MGAT4C: variants seen among roughly 807,000 people sequenced by gnomAD.
MGAT4C encodes the protein alpha-1,3-mannosyl-glycoprotein 4-beta-N-acetylglucosaminyltransferase C.
MGAT4C carries 19 observed loss-of-function variants against 40.1 expected under a neutral mutation model. The observed-to-expected ratio is 0.47, with a 90% confidence interval of 0.33 to 0.70. The LOEUF (loss-of-function observed/expected upper bound fraction) is 0.70. Among genes scored for constraint, MGAT4C ranks in the 30% least tolerant of loss-of-function variants. MGAT4C has a pLI of 0.02. For missense variants in MGAT4C, 491 were observed against 563.2 expected (o/e 0.87, Z 1.30); for synonymous variants, 181 against 187.1 (o/e 0.97, Z 0.27).
At chr12:86,229,734 G>T (rs1316115910) in intron 1 of MGAT4C, among the ~76,000 whole-genome samples, 1 of 151,946 alleles carries the variant, frequency 6.6e-6, no homozygotes, top group African/African-American at 2.4e-5. Context: ...ATAAACTTCT[G>T]TCAGGGACAG....
intron 1 of MGAT4C, among the ~76,000 whole-genome samples, chr12:86,066,974 T>G (rs1310372575): frequency 6.6e-6 from 1 of 152,160 alleles, no homozygotes; most frequent in Non-Finnish European, 1.5e-5. Context: ...TCATCACTGG[T>G]CATTAGAAAA....
intron 1 of MGAT4C, among the ~76,000 whole-genome samples, chr12:86,194,278 T>A (rs1593199326): frequency 2.6e-5 from 4 of 152,330 alleles, no homozygotes; most frequent in South Asian, 2.1e-4. Context: ...TGTTTTTTTT[T>A]ATCACTGGGT....
At chr12:86,497,866 A>G (rs1958266466) in intron 2 of MGAT4C, among the ~76,000 whole-genome samples, 1 of 144,658 alleles carries the variant, frequency 6.9e-6, no homozygotes, top group African/African-American at 2.5e-5. Context: ...CCTTTACCAG[A>G]TTGCTAATTT....
chr12:86,530,766 A>G (rs868562239), intron 2 of MGAT4C, among the ~76,000 whole-genome samples: 20 of 152,168 alleles, frequency 1.3e-4, no homozygotes, highest in African/African-American at 4.6e-4. Flanking sequence ...TAGGAATCCA[A>G]TGAAAGAAGA....
At chr12:86,515,154 G>C (rs1443535632) in intron 2 of MGAT4C, among the ~76,000 whole-genome samples, 2 of 152,090 alleles carry the variant, frequency 1.3e-5, no homozygotes, top group Non-Finnish European at 2.9e-5. Flanking sequence ...TCTCATAAAG[G>C]CTGTCTACAA....
At chr12:86,405,702 T>C (rs1409508831) in intron 3 of MGAT4C, among the ~76,000 whole-genome samples, 9 of 151,592 alleles carry the variant, frequency 5.9e-5, no homozygotes, top group Non-Finnish European at 4.4e-5. Flanking sequence ...TCTAACTGAT[T>C]TACAGATATA....
chr12:86,216,980 A>T lies in MGAT4C; in HGVS notation c.-57+39259T>A, dbSNP rs113553311. Among the ~76,000 whole-genome samples, 496 of 152,304 alleles carry T rather than the reference A, an allele frequency of 3.3e-3. 2 individuals are homozygous for T. Among genetic ancestry groups the T allele is most frequent in the African/African-American group, 0.012 (483 of 41,564 alleles). The stretch of plus-strand genomic sequence containing the variant: ...CAAGCTCAATAGCTAAATATAAGTA[A>T]GTTAAATAACTATAAGATAAAATTC... On this transcript the variant is annotated intron_variant, in intron 1 of 4. Coordinates refer to ENST00000611864, the MANE Select transcript of MGAT4C (RefSeq NM_001351288.2).
chr12:86,619,975 G>A (rs1239233812), intron 2 of MGAT4C, among the ~76,000 whole-genome samples: 1 of 152,054 alleles, frequency 6.6e-6, no homozygotes, highest in East Asian at 1.9e-4. Flanking sequence ...GAATTAAAAT[G>A]AGTTGCCAAG....
intron 2 of MGAT4C, among the ~76,000 whole-genome samples, chr12:86,452,272 C>T (rs1451090576): frequency 6.6e-6 from 1 of 151,056 alleles, no homozygotes; most frequent in Admixed American, 6.6e-5. Flanking sequence ...TTTGTTCCAT[C>T]TGTATACATG....
intron 2 of MGAT4C, among the ~76,000 whole-genome samples, chr12:86,724,029 C>T (rs190515520): frequency 3.8e-4 from 57 of 151,904 alleles, no homozygotes; most frequent in East Asian, 3.7e-3. Context: ...TGTATTTGTT[C>T]GATACAATAC....
chr12:86,723,706 G>T (rs377663201), intron 2 of MGAT4C, among the ~76,000 whole-genome samples: 26 of 152,146 alleles, frequency 1.7e-4, no homozygotes, highest in African/African-American at 6.3e-4. Flanking sequence ...CATGAGTTTG[G>T]GGGGGACACA....
chr12:86,389,806 T>C (rs1458097578), intron 3 of MGAT4C, among the ~76,000 whole-genome samples: 1 of 152,218 alleles, frequency 6.6e-6, no homozygotes, highest in Non-Finnish European at 1.5e-5. Flanking sequence ...TATTTCAAAA[T>C]TATTCTATGT....
intron 3 of MGAT4C, among the ~76,000 whole-genome samples, chr12:86,407,388 G>A (rs1351268861): frequency 6.6e-6 from 1 of 151,988 alleles, no homozygotes; most frequent in East Asian, 1.9e-4. Flanking sequence ...TATACACGTT[G>A]TTAACCTGTA....
At chr12:86,292,070 G>C (rs913075387) in intron 4 of MGAT4C, among the ~76,000 whole-genome samples, 1 of 152,098 alleles carries the variant, frequency 6.6e-6, no homozygotes, top group Admixed American at 6.5e-5. Flanking sequence ...GATAAAGACA[G>C]AGACATTTGA....
intron 1 of MGAT4C, among the ~76,000 whole-genome samples, chr12:86,147,920 T>C (rs1193227526): frequency 2.6e-5 from 4 of 152,158 alleles, no homozygotes; most frequent in Non-Finnish European, 5.9e-5. Flanking sequence ...TAAGACAATA[T>C]TTGAGAGACA....
At chr12:86,781,475 T>G (rs1390940078) in intron 1 of MGAT4C, among the ~76,000 whole-genome samples, 2 of 152,154 alleles carry the variant, frequency 1.3e-5, no homozygotes, top group African/African-American at 4.8e-5. Context: ...ACATCTCTTT[T>G]TAACTACATT....
chr12:86,760,928 T>C (rs1026143583), intron 1 of MGAT4C, among the ~76,000 whole-genome samples: 14 of 152,172 alleles, frequency 9.2e-5, no homozygotes, highest in Admixed American at 5.9e-4. Context: ...AGTGATCACA[T>C]TGTGGCAAGA....
intron 2 of MGAT4C, among the ~76,000 whole-genome samples, chr12:86,495,680 C>A (rs749446013): frequency 6.6e-6 from 1 of 151,914 alleles, no homozygotes; most frequent in African/African-American, 2.4e-5. Flanking sequence ...GTGAAACCGG[C>A]CTAATTATCC....
At chr12:86,682,539 T>A (rs1950001545) in intron 2 of MGAT4C, among the ~76,000 whole-genome samples, 1 of 152,128 alleles carries the variant, frequency 6.6e-6, no homozygotes, top group Non-Finnish European at 1.5e-5. Context: ...ATATCATAAT[T>A]AAACACTGGT....
Sources: allele counts gnomAD v4.1 joint callset (sites outside exome capture counted in the v4.1 genomes callset), GRCh38; gene constraint gnomAD v4.1.1; transcripts MANE v1.5; gene names NCBI Gene and HGNC (gene_info 2026-07-23, HGNC 2026-07-21).